The following NFS1 variants were observed in gnomAD, a reference collection of about 807,000 sequenced individuals.
NFS1 encodes the protein NFS1 cysteine desulfurase, also known as cysteine desulfurase.
A neutral mutation model predicts 57.3 loss-of-function variants in NFS1; 26 were observed. The ratio of observed to expected loss-of-function variants is 0.45; its 90% CI spans 0.33 to 0.63. NFS1 has a LOEUF of 0.63. Among genes scored for constraint, NFS1 ranks in the 20% least tolerant of loss-of-function variants. NFS1 has a pLI of 0.02. For synonymous variants in NFS1, 209 were observed against 216.3 expected (o/e 0.97, Z 0.30); for missense variants, 505 against 605.8 (o/e 0.83, Z 1.75).
intron 1 of NFS1, 112 bp from the exon 2 acceptor site, chr20:35,698,702 T>C (rs2146444087): frequency 1.4e-6 from 2 of 1,435,920 alleles, no homozygotes; most frequent in South Asian, 3.0e-5. Context: ...GTGTAAGGGA[T>C]GCTAGGGTCG....
intron 8 of NFS1, chr20:35,674,819 C>T (rs1601518280): frequency 1.5e-6 from 1 of 686,330 alleles, no homozygotes; most frequent in South Asian, 1.9e-5. Flanking sequence ...ACACAGGGTT[C>T]ATTTACTTAT....
At chr20:35,669,889 T>TC (rs888361803) in intron 12 of NFS1, among the ~76,000 whole-genome samples, 36 of 152,274 alleles carry the variant, frequency 2.4e-4, no homozygotes, top group African/African-American at 8.4e-4. Context: ...CTGAGAGCTC[T>TC]CCCCAACTGC....
At chr20:35,671,823 C>A (rs1329541912) in intron 12 of NFS1, among the ~76,000 whole-genome samples, 1 of 134,320 alleles carries the variant, frequency 7.4e-6, no homozygotes, top group Non-Finnish European at 1.6e-5. Flanking sequence ...TTGGGAGGCA[C>A]AAGTTGCAGT....
intron 4 of NFS1, among the ~76,000 whole-genome samples, chr20:35,695,877 T>C (rs1370545833): frequency 1.3e-5 from 2 of 152,014 alleles, no homozygotes; most frequent in African/African-American, 4.8e-5. Flanking sequence ...CCATCTCTAC[T>C]AAAAATATAA....
At position 35,674,416 on chromosome 20, in the gene NFS1, G is replaced by T; in HGVS notation, c.1070C>A (p.Ser357Tyr). Residue 357 changes from serine (S) to tyrosine (Y), a missense_variant, in exon 10 of 13, where the codon TCC (serine) becomes TAC (tyrosine). Transcript: ENST00000374092. ...ACTTTCCCCTTCCACATATGCAAAGGAGAGGTTGATACAGCCTGGAGGAAA... is the reference window on the plus strand; with the variant it reads ...ACTTTCCCCTTCCACATATGCAAAGTAGAGGTTGATACAGCCTGGAGGAAA... ...KHHYPGCINL[S>Y]FAYVEGESLL... 6.2e-7 allele frequency: 1 copy of T among 1,614,110 alleles called. No homozygotes were observed. Among genetic ancestry groups the T allele is most frequent in the Non-Finnish European group, 8.5e-7 (1 of 1,180,000 alleles).
chr20:35,687,392 G>A (rs1373459504), intron 5 of NFS1, among the ~76,000 whole-genome samples: 2 of 152,064 alleles, frequency 1.3e-5, no homozygotes, highest in African/African-American at 4.8e-5. Context: ...AGAAATAATG[G>A]CGTAAGCTGT....
chr20:35,698,461 G>C lies in NFS1; in HGVS notation c.207+20C>G, dbSNP rs1474664703. 3 of 1,553,126 alleles carry C rather than the reference G, an allele frequency of 1.9e-6. No individual in the cohort carries two copies. Among genetic ancestry groups the C allele is most frequent in the African/African-American group, 1.4e-5 (1 of 72,580 alleles). ...TCATTTACTTCCTATAAGCAGCCTT[G>C]GGAAAAGCTTCATCCTTACCAGAGG... On this transcript the variant is annotated intron_variant, in intron 2 of 12. Coordinates refer to ENST00000374092, the MANE Select transcript of NFS1 (RefSeq NM_021100.5).
chr20:35,681,294 G>A (rs1477106439), intron 6 of NFS1, among the ~76,000 whole-genome samples: 2 of 152,138 alleles, frequency 1.3e-5, no homozygotes, highest in South Asian at 2.1e-4. Flanking sequence ...ATTACAGGGC[G>A]ATCTCTATGT....
chr20:35,698,748 A>G, intron 1 of NFS1, 158 bp from the exon 2 acceptor site: 1 of 1,415,522 alleles, frequency 7.1e-7, no homozygotes, highest in South Asian at 1.6e-5. Flanking sequence ...CAGATACCTG[A>G]CACGCTGTAA....
At chr20:35,681,799 A>G (rs2034853428) in intron 6 of NFS1, 89 bp downstream of exon 6, 2 of 679,206 alleles carry the variant, frequency 2.9e-6, no homozygotes, top group East Asian at 2.7e-5. Flanking sequence ...TTTCCTAACT[A>G]CACTCCATAG....
chr20:35,671,680 G>C (rs573793328), intron 12 of NFS1, among the ~76,000 whole-genome samples: 1 of 151,956 alleles, frequency 6.6e-6, no homozygotes. Context: ...GCTTGAGCCC[G>C]GGAGTTTGAG....
Position 35,699,063 on chromosome 20 carries a change from TGTGTCATTTGAGA to T in NFS1, c.97+116_97+128del, listed in dbSNP as rs2035195801. ...GACCCGCCTAAGAAAGTTTGAGGGA[TGTGTCATTTGAGA>T]GAAGGGTCAGAGGGTCTGGGCAGCA... is the stretch of plus-strand genomic sequence containing the variant. On this transcript the variant is annotated intron_variant, in intron 1 of 12. Coordinates refer to ENST00000374092, the MANE Select transcript of NFS1 (RefSeq NM_021100.5). This position sits in a 1 kb window ranked among gnomAD's most constrained non-coding sequence, Gnocchi z 4.4. 3.0e-6 allele frequency: 4 copies of T among 1,318,682 alleles called. No individual in the cohort carries two copies. In the African/African-American group the frequency reaches 6.2e-5, roughly 20 times the overall value. The allele number at this position is 1,318,682 out of a possible 1,614,324, so 81.7% of individuals were successfully genotyped here. A position where few individuals can be genotyped will look rare whatever the true frequency, so the allele number is the denominator to read the frequency against.
chr20:35,687,636 T>A (rs549374693), intron 5 of NFS1, among the ~76,000 whole-genome samples: 1 of 152,252 alleles, frequency 6.6e-6, no homozygotes, highest in African/African-American at 2.4e-5. Flanking sequence ...GGCCCAGCTG[T>A]CTTTTCTTTT....
At chr20:35,672,353 G>T (rs538000028) in intron 12 of NFS1, among the ~76,000 whole-genome samples, 1 of 150,944 alleles carries the variant, frequency 6.6e-6, no homozygotes, top group East Asian at 2.0e-4. Flanking sequence ...AGGTTGAAGT[G>T]ATTCTCCTGC....
At chr20:35,685,831 C>G (rs1222465690) in intron 5 of NFS1, among the ~76,000 whole-genome samples, 1 of 142,914 alleles carries the variant, frequency 7.0e-6, no homozygotes, top group African/African-American at 2.6e-5. Flanking sequence ...GCACTCCAGC[C>G]TGGGCAACAA....
At chr20:35,686,076 C>T (rs2034937475) in intron 5 of NFS1, among the ~76,000 whole-genome samples, 1 of 150,924 alleles carries the variant, frequency 6.6e-6, no homozygotes, top group Non-Finnish European at 1.5e-5. Flanking sequence ...ATTACAGGCG[C>T]CCTCAACCAC....
rs184632956 is a variant in NFS1 at position 35,673,938 on chromosome 20, T to A, written c.1137-254A>T. 2.1e-5 allele frequency: 10 copies of A among 469,318 alleles called. No individual in the cohort carries two copies. The East Asian group carries it at 4.0e-4, about 19-fold the overall frequency. 29.1% of individuals were successfully genotyped at this position (469,318 alleles called of 1,614,324 possible). ...GCTGGCAAAGTGTGACAGAGCATGA[T>A]ACCACATGGGTTTGACAAGAAGACG... On this transcript the variant is annotated intron_variant, in intron 10 of 12. Transcript: ENST00000374092.
At chr20:35,681,837 C>G in intron 6 of NFS1, 51 bp downstream of exon 6, 1 of 1,018,808 alleles carries the variant, frequency 9.8e-7, no homozygotes, top group South Asian at 1.3e-5. Flanking sequence ...TATACTACCT[C>G]ATACAGAGCC....
intron 5 of NFS1, among the ~76,000 whole-genome samples, chr20:35,683,017 G>C (rs946240664): frequency 3.3e-5 from 5 of 152,102 alleles, no homozygotes; most frequent in Admixed American, 3.3e-4. Flanking sequence ...GGCGGAGCTT[G>C]CAGTGAGCGG....
Sources: allele counts gnomAD v4.1 joint callset (sites outside exome capture counted in the v4.1 genomes callset), GRCh38; gene constraint gnomAD v4.1.1; non-coding constraint Gnocchi (gnomAD v3.1); transcripts MANE v1.5; gene names NCBI Gene and HGNC (gene_info 2026-07-23, HGNC 2026-07-21).